KCND1: variants seen among roughly 807,000 people sequenced by gnomAD.
The protein encoded by KCND1 is A-type voltage-gated potassium channel KCND1.
A neutral mutation model predicts 31.8 loss-of-function variants in KCND1; 11 were observed. The observed-to-expected ratio is 0.35, with a 90% CI of 0.22 to 0.57. KCND1 has a LOEUF of 0.57. Among genes scored for constraint, KCND1 ranks in the 20% least tolerant of loss-of-function variants. The pLI is 0.85. For synonymous variants in KCND1, 234 were observed against 248.1 expected, an observed-to-expected ratio of 0.94 and a Z score of 0.53; for missense variants, 471 against 596.8, an observed-to-expected ratio of 0.79 and a Z score of 2.20.
At chrX:48,965,014 T>A (rs1202046350) in intron 5 of KCND1, among the ~76,000 whole-genome samples, 1 of 73,657 alleles carries the variant, frequency 1.4e-5, no homozygotes. Context: ...AGACTCCGTC[T>A]AAAAAAAAAA....
Position 48,969,500 on chromosome X carries a change from G to A in KCND1, c.772C>T (p.Arg258Cys), listed in dbSNP as rs782389194. ...LRLFAAPSRC[R>C]FLRSVMSLID... ...AGGCTCATGACACTCCGCAGGAAGCGGCAACGGCTGGGGGCGGCAAACAGC... is the reference window on the plus strand; with the variant it reads ...AGGCTCATGACACTCCGCAGGAAGCAGCAACGGCTGGGGGCGGCAAACAGC... The change falls in exon 1 of 6, where the codon CGC becomes TGC. Residue 258 changes from arginine (R) to cysteine (C), a missense_variant. This residue lies in a region of KCND1 where 212 missense variants were observed against 257.9 expected (regional missense o/e 0.82). Coordinates refer to ENST00000218176, the MANE Select transcript of KCND1 (RefSeq NM_004979.6). 5 of 1,211,454 alleles carry A rather than the reference G, an allele frequency of 4.1e-6. No homozygotes were observed. The highest frequency in any genetic ancestry group is 5.6e-6 in the Non-Finnish European group (5 of 895,228).
At position 48,970,443 on chromosome X, in the gene KCND1, A is replaced by G; in HGVS notation, c.-172T>C. On this transcript the variant is annotated 5_prime_UTR_variant, in exon 1 of 6. Coordinates refer to ENST00000218176, the MANE Select transcript of KCND1 (RefSeq NM_004979.6). ...AGGAAGAACTAAAGAGATGGGAAGG[A>G]GTCTGGGGGACATTTACAGAACCTA... 1 of 441,967 alleles carries G rather than the reference A, an allele frequency of 2.3e-6. No individual in the cohort carries two copies. The highest frequency in any genetic ancestry group is 3.8e-6 in the Non-Finnish European group (1 of 262,532). 36.4% of individuals were successfully genotyped at this position (441,967 alleles called of 1,213,427 possible). A position where few individuals can be genotyped will look rare whatever the true frequency, so the allele number is the denominator to read the frequency against.
Position 48,962,702 on chromosome X carries a change from G to T in KCND1, c.1823C>A (p.Thr608Asn). 1 of 1,210,702 alleles carries T rather than the reference G, an allele frequency of 8.3e-7. No individual in the cohort carries two copies. The highest frequency in any genetic ancestry group is 1.1e-6 in the Non-Finnish European group (1 of 894,897). Reference sequence around the variant, plus strand: ...GGAGGAAGGTTGGCTCTCATCTGGGGTGTTGGCAGGAGGGGTAGGGATGCT... The same window carrying T: ...GGAGGAAGGTTGGCTCTCATCTGGGTTGTTGGCAGGAGGGGTAGGGATGCT... ...IISIPTPPAN[T>N]PDESQPSSPG... is the part of the protein sequence containing the mutation. Residue 608 changes from threonine to asparagine, a missense_variant, in exon 6 of 6, where the codon ACC (threonine) becomes AAC (asparagine). This residue lies in a region of KCND1 where 185 missense variants were observed against 184.7 expected (regional missense o/e 1.00). Coordinates refer to ENST00000218176, the MANE Select transcript of KCND1 (RefSeq NM_004979.6).
rs782697027 is a variant in KCND1, at chrX:48,966,147, G to A, written c.1626C>T (p.Ile542=). 51 of 1,209,758 alleles carry A rather than the reference G, an allele frequency of 4.2e-5. No individual in the cohort carries two copies. The Middle Eastern group carries it at 1.7e-3, about 39-fold the overall frequency. Residue 542 remains isoleucine, a synonymous_variant, in exon 5 of 6, where the codon ATC becomes ATT. Coordinates refer to ENST00000218176, the MANE Select transcript of KCND1 (RefSeq NM_004979.6). ...CCPRRAKRRA[I]RLANSTASVS... ...CTGAGGCAGTGGAGTTGGCAAGGCG[G>A]ATGGCGCGGCGCTTGGCCCTGCGAG... is the stretch of plus-strand genomic sequence containing the variant.
At chrX:48,965,215 G>A (rs1360980426) in intron 5 of KCND1, among the ~76,000 whole-genome samples, 1 of 108,607 alleles carries the variant, frequency 9.2e-6, no homozygotes, top group Non-Finnish European at 1.9e-5. Context: ...ACCACACCCA[G>A]CTAGTTTTTT....
Position 48,970,324 on chromosome X carries a change from T to C in KCND1, c.-53A>G. ...TTAGTGAGGGTGGCGTTTAGGAGAA[T>C]GTGGCTGTCTCCAGGATGGTGGGGG... On this transcript the variant is annotated 5_prime_UTR_variant, in exon 1 of 6. Transcript: ENST00000218176. 9.1e-7 allele frequency: 1 copy of C among 1,100,106 alleles called. No individual in the cohort carries two copies. The highest frequency in any genetic ancestry group is 2.1e-5 in the South Asian group (1 of 47,406). The allele number at this position is 1,100,106 out of a possible 1,213,427, so 90.7% of individuals were successfully genotyped here.
In KCND1 at chrX:48,962,822, G is replaced by A; in HGVS notation, c.1719-16C>T. On this transcript the variant is annotated splice_polypyrimidine_tract_variant and intron_variant, in intron 5 of 5. Transcript: ENST00000218176. ...GCTGGAACGGCTGTGGACAAGGGTG[G>A]AGAAGATGGAAGGCTCTTAAAAAGT... 4.2e-6 allele frequency: 5 copies of A among 1,182,576 alleles called. No homozygotes were observed. Among genetic ancestry groups the A allele is most frequent in the Non-Finnish European group, 4.6e-6 (4 of 871,433 alleles).
At position 48,962,512 on chromosome X, in the gene KCND1, C is replaced by A; in HGVS notation, c.*69G>T. 1 of 877,305 alleles carries A rather than the reference C, an allele frequency of 1.1e-6. No individual in the cohort carries two copies. Among genetic ancestry groups the A allele is most frequent in the East Asian group, 3.4e-5 (1 of 29,567 alleles). 72.3% of individuals were successfully genotyped at this position (877,305 alleles called of 1,213,427 possible). ...GCCCAAGCCTGCCCCTCTCTGCCTC[C>A]CAAAAATATGGCTTTGGAAAGGAGT... On this transcript the variant is annotated 3_prime_UTR_variant, in exon 6 of 6. Transcript: ENST00000218176.
chrX:48,970,345 G>A lies in KCND1; in HGVS notation c.-74C>T. The A allele has an allele frequency of 9.7e-7, 1 of 1,031,623 alleles. No homozygotes were observed. Among genetic ancestry groups the A allele is most frequent in the South Asian group, 2.3e-5 (1 of 43,246 alleles). 85.0% of individuals were successfully genotyped at this position (1,031,623 alleles called of 1,213,427 possible). On this transcript the variant is annotated 5_prime_UTR_variant, in exon 1 of 6. Coordinates refer to ENST00000218176, the MANE Select transcript of KCND1 (RefSeq NM_004979.6). ...AGAATGTGGCTGTCTCCAGGATGGT[G>A]GGGGCTTGGAGACACCTTGAGCCAC...
intron 1 of KCND1, chrX:48,968,203 A>G (rs1557058307): frequency 9.0e-6 from 1 of 111,577 alleles, no homozygotes; most frequent in African/African-American, 3.3e-5. Context: ...TGTATACCCA[A>G]TCCCAGTGAT....
Position 48,971,331 on chromosome X carries a change from A to G in KCND1, c.-1060T>C. 1.2e-5 allele frequency: 1 copy of G among 85,694 alleles called. No homozygotes were observed. The allele number at this position is 85,694 out of a possible 1,213,427, so 7.1% of individuals were successfully genotyped here. On this transcript the variant is annotated 5_prime_UTR_variant, in exon 1 of 6. Transcript: ENST00000218176. ...GGAAGGGGGTTAACCCCAAAATGGGATTAAGAGGGGGGTGGGGTGTTGAAA... is the reference window on the plus strand; with the variant it reads ...GGAAGGGGGTTAACCCCAAAATGGGGTTAAGAGGGGGGTGGGGTGTTGAAA...
intron 5 of KCND1, among the ~76,000 whole-genome samples, chrX:48,964,851 G>A (rs111670650): frequency 3.9e-5 from 4 of 103,137 alleles, no homozygotes; most frequent in South Asian, 4.5e-4. Context: ...GTGAAACCCC[G>A]TCTCTACTAA....
At chrX:48,964,629 A>G (rs1157339410) in intron 5 of KCND1, among the ~76,000 whole-genome samples, 1 of 109,194 alleles carries the variant, frequency 9.2e-6, no homozygotes, top group African/African-American at 3.3e-5. Flanking sequence ...AGGCAGGAGA[A>G]TCGTCTGAAC....
Position 48,962,703 on chromosome X carries a change from T to C in KCND1, c.1822A>G (p.Thr608Ala). The C allele has an allele frequency of 8.3e-7, 1 of 1,208,920 alleles. No individual in the cohort carries two copies. The highest frequency in any genetic ancestry group is 3.0e-5 in the East Asian group (1 of 33,760). ...IISIPTPPAN[T>A]PDESQPSSPG... ...GAGGAAGGTTGGCTCTCATCTGGGG[T>C]GTTGGCAGGAGGGGTAGGGATGCTG... The change falls in exon 6 of 6, where the codon ACC (threonine) becomes GCC (alanine). Residue 608 changes from threonine to alanine, a missense_variant. Transcript: ENST00000218176.
chrX:48,966,365 A>G (rs1602457504), intron 4 of KCND1, 60 bp from the exon 5 acceptor site: 1 of 1,142,531 alleles, frequency 8.8e-7, no homozygotes, highest in East Asian at 3.3e-5. Flanking sequence ...CCCACCCTCA[A>G]GCCTTTGCTC....
rs2064378881 is a variant in KCND1 at position 48,970,093 on chromosome X, C to T, written c.179G>A (p.Arg60His). The change falls in exon 1 of 6, where the codon CGC becomes CAC. Residue 60 changes from arginine to histidine, a missense_variant. Arg to His is a conservative substitution (Grantham distance 29, BLOSUM62 0). This residue lies in a region of KCND1 where 212 missense variants were observed against 257.9 expected (regional missense o/e 0.82). Coordinates refer to ENST00000218176, the MANE Select transcript of KCND1 (RefSeq NM_004979.6). ...RFETWKNTLD[R>H]YPDTLLGSSE... ...GCTGCCCAGCAAGGTGTCTGGGTAG[C>T]GGTCCAGCGTATTCTTCCAAGTCTC... 1.7e-6 allele frequency: 2 copies of T among 1,210,128 alleles called. No homozygotes were observed. The highest frequency in any genetic ancestry group is 2.2e-6 in the Non-Finnish European group (2 of 894,506).
In KCND1 at chrX:48,962,702, G is replaced by A; in HGVS notation, c.1823C>T (p.Thr608Ile). 8.3e-7 allele frequency: 1 copy of A among 1,210,702 alleles called. No homozygotes were observed. Among genetic ancestry groups the A allele is most frequent in the Non-Finnish European group, 1.1e-6 (1 of 894,897 alleles). The change falls in exon 6 of 6, where the codon ACC becomes ATC. Residue 608 changes from threonine to isoleucine, a missense_variant. By Grantham distance (89) the Thr-to-Ile change is moderately conservative. Coordinates refer to ENST00000218176, the MANE Select transcript of KCND1 (RefSeq NM_004979.6). ...GGAGGAAGGTTGGCTCTCATCTGGG[G>A]TGTTGGCAGGAGGGGTAGGGATGCT... ...IISIPTPPAN[T>I]PDESQPSSPG...
chrX:48,966,691 G>A lies in KCND1; in HGVS notation c.1369-15C>T, dbSNP rs1557058063. 3.3e-6 allele frequency: 4 copies of A among 1,206,261 alleles called. No homozygotes were observed. Among genetic ancestry groups the A allele is most frequent in the South Asian group, 1.8e-5 (1 of 56,596 alleles). The stretch of plus-strand genomic sequence containing the variant: ...CTGCCGCTGTCCTGGAGTAGATGGA[G>A]CAGAGCGATAAGGGCAGCACCTTCC... On this transcript the variant is annotated splice_polypyrimidine_tract_variant and intron_variant, in intron 3 of 5. Transcript: ENST00000218176.
At chrX:48,966,328 G>C (rs782252153) in intron 4 of KCND1, 23 bp from the exon 5 acceptor site, 18 of 1,168,220 alleles carry the variant, frequency 1.5e-5, no homozygotes, top group Middle Eastern at 3.1e-4. Flanking sequence ...GGGAGGCAGG[G>C]TCACGGGGCA....
Sources: gnomAD v4.1 joint callset for allele counts (sites outside exome capture counted in the v4.1 genomes callset) on GRCh38, gnomAD v4.1.1 for gene constraint, gnomAD v4.1.1 regional missense constraint, MANE v1.5 for transcripts, NCBI Gene and HGNC (gene_info 2026-07-23, HGNC 2026-07-21) for gene names.